LEPR: variants seen among roughly 807,000 people sequenced by gnomAD.
The protein encoded by LEPR is leptin receptor.
A neutral mutation model predicts 114.7 loss-of-function variants in LEPR; 56 were observed. That is an observed-to-expected ratio of 0.49 (90% CI 0.39 to 0.61). LEPR has a LOEUF of 0.61. Among genes scored for constraint, LEPR ranks in the 20% least tolerant of loss-of-function variants. The pLI is 0.00. For missense variants in LEPR, 1,202 were observed against 1,352.9 expected (o/e 0.89, Z 1.75); for synonymous variants, 443 against 461.4 (o/e 0.96, Z 0.51).
chr1:65,530,322 T>C (rs756956224), intron 2 of LEPR, among the ~76,000 whole-genome samples: 2 of 152,194 alleles, frequency 1.3e-5, no homozygotes, highest in African/African-American at 2.4e-5. Context: ...ATGGCTCTGT[T>C]ACAGGAAAGG....
chr1:65,490,957 A>G (rs1381771079), intron 2 of LEPR, among the ~76,000 whole-genome samples: 2 of 152,144 alleles, frequency 1.3e-5, no homozygotes, highest in Admixed American at 1.3e-4. Flanking sequence ...AACACTGGAT[A>G]ACCCTCACAG....
intron 2 of LEPR, among the ~76,000 whole-genome samples, chr1:65,462,248 G>A (rs1426648397): frequency 1.3e-5 from 2 of 152,156 alleles, no homozygotes; most frequent in African/African-American, 4.8e-5. Context: ...AACATGCGGT[G>A]TTTGGTTTTC....
chr1:65,581,541 C>CTGGA (rs1654989930), intron 5 of LEPR, among the ~76,000 whole-genome samples: 1 of 151,992 alleles, frequency 6.6e-6, no homozygotes, highest in Non-Finnish European at 1.5e-5. Flanking sequence ...ACAAAACTAC[C>CTGGA]TGGACCTCCA....
At chr1:65,601,337 A>G in intron 8 of LEPR, 55 bp from the exon 9 acceptor site, 1 of 1,592,540 alleles carries the variant, frequency 6.3e-7, no homozygotes, top group Non-Finnish European at 8.6e-7. Context: ...ATGTGGTACA[A>G]ATTACTTACA....
chr1:65,463,269 G>A (rs1646968803), intron 2 of LEPR, among the ~76,000 whole-genome samples: 1 of 151,930 alleles, frequency 6.6e-6, no homozygotes, highest in African/African-American at 2.4e-5. Context: ...TCCCTATTTG[G>A]TTGTTTGTGT....
chr1:65,433,167 C>T (rs1557587231), intron 2 of LEPR: 1 of 985,266 alleles, frequency 1.0e-6, no homozygotes, highest in Non-Finnish European at 1.2e-6. Flanking sequence ...CTTCCCTCTG[C>T]CCCCCACCCC....
At chr1:65,431,582 T>C (rs577956788) in intron 2 of LEPR, among the ~76,000 whole-genome samples, 1 of 152,350 alleles carries the variant, frequency 6.6e-6, no homozygotes, top group East Asian at 1.9e-4. Flanking sequence ...ATATGTCTAA[T>C]TGGGAACATG....
chr1:65,511,429 T>TACACACACAC (rs5774756), intron 2 of LEPR, among the ~76,000 whole-genome samples: 1 of 147,600 alleles, frequency 6.8e-6, no homozygotes, highest in African/African-American at 2.5e-5. Context: ...TATATATGTA[T>TACACACACAC]ACACACACAC....
At chr1:65,517,425 A>G (rs146931529) in intron 2 of LEPR, among the ~76,000 whole-genome samples, 238 of 152,336 alleles carry the variant, frequency 1.6e-3, no homozygotes, top group Non-Finnish European at 2.7e-3. Flanking sequence ...CATCTTGAAA[A>G]TAAGTTATCT....
chr1:65,458,046 C>T (rs1176117362), intron 2 of LEPR, among the ~76,000 whole-genome samples: 2 of 152,150 alleles, frequency 1.3e-5, no homozygotes, highest in African/African-American at 2.4e-5. Flanking sequence ...TTGAAATGTG[C>T]CAACAATGTG....
intron 17 of LEPR, among the ~76,000 whole-genome samples, chr1:65,620,956 ACAGCAAGGAAAT>A (rs1657842564): frequency 6.6e-6 from 1 of 152,124 alleles, no homozygotes; most frequent in Non-Finnish European, 1.5e-5. Context: ...GGTTCAAGAA[ACAGCAAGGAAAT>A]CAGTGTGTGT....
intron 15 of LEPR, among the ~76,000 whole-genome samples, chr1:65,617,121 T>C (rs1657574937): frequency 6.6e-6 from 1 of 152,154 alleles, no homozygotes; most frequent in Non-Finnish European, 1.5e-5. Context: ...GGGTAGGTAG[T>C]GGGAATTGTA....
At chr1:65,609,692 A>G (rs1657043675) in intron 12 of LEPR, among the ~76,000 whole-genome samples, 1 of 152,186 alleles carries the variant, frequency 6.6e-6, no homozygotes, top group Non-Finnish European at 1.5e-5. Flanking sequence ...AGTGTTTGGG[A>G]AACAAGGTTG....
intron 5 of LEPR, among the ~76,000 whole-genome samples, chr1:65,588,850 T>G (rs879318422): frequency 6.6e-6 from 1 of 152,102 alleles, no homozygotes; most frequent in African/African-American, 2.4e-5. Flanking sequence ...GCATTTAAAT[T>G]GTTTATAGTT....
At chr1:65,574,451 G>T (rs1654437286) in intron 5 of LEPR, among the ~76,000 whole-genome samples, 1 of 152,012 alleles carries the variant, frequency 6.6e-6, no homozygotes, top group South Asian at 2.1e-4. Flanking sequence ...AAAAAATTAG[G>T]GGGGGTGGAG....
At chr1:65,548,571 T>A (rs1651982932) in intron 2 of LEPR, among the ~76,000 whole-genome samples, 1 of 152,212 alleles carries the variant, frequency 6.6e-6, no homozygotes, top group African/African-American at 2.4e-5. Flanking sequence ...AATGGCCTTC[T>A]TTGTCTCTTT....
chr1:65,552,455 G>A (rs759629721), intron 2 of LEPR, among the ~76,000 whole-genome samples: 1 of 152,140 alleles, frequency 6.6e-6, no homozygotes, highest in African/African-American at 2.4e-5. Context: ...TTACCATTAT[G>A]TCATGCTCTT....
At chr1:65,525,593 C>G in intron 2 of LEPR, 1 of 979,196 alleles carries the variant, frequency 1.0e-6, no homozygotes, top group Non-Finnish European at 1.2e-6. Flanking sequence ...GGCCACCCGA[C>G]TCTTCCCTCC....
rs564391529 is a variant in LEPR at position 65,629,336 on chromosome 1, G to T, written c.2673+6355G>T. The stretch of plus-strand genomic sequence containing the variant: ...AAGTTTATGTTTTTCCTTAAGTCAG[G>T]GTTGATATGATGTTCTGTGTTGTAA... On this transcript the variant is annotated intron_variant, in intron 19 of 19. Coordinates refer to ENST00000349533, the MANE Select transcript of LEPR (RefSeq NM_002303.6). The T allele has an allele frequency of 3.4e-5, 15 of 444,158 alleles. No individual in the cohort carries two copies. The East Asian group carries it at 1.1e-3, about 33-fold the overall frequency. 27.5% of individuals were successfully genotyped at this position (444,158 alleles called of 1,614,324 possible).
Sources: gnomAD v4.1 joint callset for allele counts (sites outside exome capture counted in the v4.1 genomes callset) on GRCh38, gnomAD v4.1.1 for gene constraint, MANE v1.5 for transcripts, NCBI Gene and HGNC (gene_info 2026-07-23, HGNC 2026-07-21) for gene names.